PPM1K: variants seen among roughly 807,000 people sequenced by gnomAD.
The protein encoded by PPM1K is protein phosphatase, Mg2+/Mn2+ dependent 1K.
Under a neutral mutation model 32.6 loss-of-function variants are expected in PPM1K, and 19 were observed. That is an observed-to-expected ratio of 0.58 (90% CI 0.41 to 0.86). The LOEUF is 0.86. PPM1K is among the 40% of genes least tolerant of loss of function. PPM1K has a pLI of 0.00. For missense variants in PPM1K, 362 were observed against 461.2 expected (o/e 0.78, Z 1.97); for synonymous variants, 159 against 165.3 (o/e 0.96, Z 0.29).
chr4:88,272,283 T>C (rs1303021136), intron 3 of PPM1K, among the ~76,000 whole-genome samples: 1 of 152,184 alleles, frequency 6.6e-6, no homozygotes, highest in Non-Finnish European at 1.5e-5. Context: ...GATTCAAAAA[T>C]GCTGTGTTTA....
intron 3 of PPM1K, among the ~76,000 whole-genome samples, chr4:88,269,382 G>A (rs1731467898): frequency 6.6e-6 from 1 of 152,208 alleles, no homozygotes; most frequent in South Asian, 2.1e-4. Flanking sequence ...CTCCTATGCT[G>A]TGAACATATT....
At chr4:88,268,564 T>A (rs982645986) in intron 4 of PPM1K, among the ~76,000 whole-genome samples, 177 bp downstream of exon 4, 3 of 152,066 alleles carry the variant, frequency 2.0e-5, no homozygotes, top group Non-Finnish European at 4.4e-5. Context: ...GAGCTTGCAG[T>A]GAGCCAAGAT....
Position 88,278,152 on chromosome 4 carries a change from T to C in PPM1K, c.432A>G (p.Lys144=). 6.2e-7 allele frequency: 1 copy of C among 1,613,076 alleles called. No individual in the cohort carries two copies. The highest frequency in any genetic ancestry group is 8.5e-7 in the Non-Finnish European group (1 of 1,179,172). Residue 144 remains lysine (K), a synonymous_variant, in exon 2 of 7, where the codon AAA becomes AAG. Coordinates refer to ENST00000608933, the MANE Select transcript of PPM1K (RefSeq NM_152542.5). This position sits in a 1 kb window ranked among gnomAD's most constrained non-coding sequence, Gnocchi z 4.2. The stretch of plus-strand genomic sequence containing the variant: ...AAAGTCATTGTACATACATAATACA[T>C]TTCTCCATGTGGGTATGACAGAAAT... ...AADFCHTHME[K]CIMDLLPKEK...
At chr4:88,274,618 T>C (rs1731690046) in intron 3 of PPM1K, among the ~76,000 whole-genome samples, 1 of 152,212 alleles carries the variant, frequency 6.6e-6, no homozygotes, top group East Asian at 1.9e-4. Flanking sequence ...CCTATCTATA[T>C]ACATAGGCCG....
chr4:88,278,258 T>A lies in PPM1K; in HGVS notation c.326A>T (p.Asp109Val). The stretch of plus-strand genomic sequence containing the variant: ...TGTCAGCTGAGCGAAGTCAAACCGA[T>A]CTTCATTCTCTTTCCGTTTGCCAAT... ...SQIGKRKENE[D>V]RFDFAQLTDE... Residue 109 changes from aspartate (D) to valine (V), a missense_variant, in exon 2 of 7, where the codon GAT becomes GTT. Coordinates refer to ENST00000608933, the MANE Select transcript of PPM1K (RefSeq NM_152542.5). This position sits in a 1 kb window ranked among gnomAD's most constrained non-coding sequence, Gnocchi z 4.2. 6.2e-7 allele frequency: 1 copy of A among 1,614,180 alleles called. No homozygotes were observed. The highest frequency in any genetic ancestry group is 8.5e-7 in the Non-Finnish European group (1 of 1,180,016).
chr4:88,278,390 C>T lies in PPM1K; in HGVS notation c.194G>A (p.Gly65Glu). Residue 65 changes from glycine to glutamate, a missense_variant, in exon 2 of 7, where the codon GGG (glycine) becomes GAG (glutamate). Transcript: ENST00000608933. The surrounding 1 kb of genome is among the most constrained non-coding windows in gnomAD (Gnocchi z 4.2). ...SGSPATWDNFGIWDNRIDEPI... is the reference protein window; with the variant it reads ...SGSPATWDNFEIWDNRIDEPI... ...CTCATCAATGCGGTTATCCCAGATC[C>T]CAAAATTGTCCCAGGTAGCTGGACT... 1 of 1,614,210 alleles carries T rather than the reference C, an allele frequency of 6.2e-7. No individual in the cohort carries two copies.
In PPM1K at chr4:88,278,494, G is replaced by A. The variant is rs141775336; in HGVS notation, c.90C>T (p.Asp30=). Residue 30 remains aspartate, a synonymous_variant, in exon 2 of 7, where the codon GAC becomes GAT. Coordinates refer to ENST00000608933, the MANE Select transcript of PPM1K (RefSeq NM_152542.5). This position sits in a 1 kb window ranked among gnomAD's most constrained non-coding sequence, Gnocchi z 4.2. The part of the protein sequence containing the change: ...RVLLSSRLLQ[D]DRRVTPTCHS... ...GGCACGTGGGTGTCACCCGCCTGTC[G>A]TCCTGCAGCAGGCGGGAGCTTAGCA... The A allele has an allele frequency of 1.4e-5, 22 of 1,613,954 alleles. No homozygotes were observed. Among genetic ancestry groups the A allele is most frequent in the Admixed American group, 3.3e-5 (2 of 60,000 alleles).
Position 88,275,097 on chromosome 4 carries a change from T to A in PPM1K, c.541+2046A>T, listed in dbSNP as rs1451060860. On this transcript the variant is annotated intron_variant, in intron 3 of 6. Coordinates refer to ENST00000608933, the MANE Select transcript of PPM1K (RefSeq NM_152542.5). ...TATATGAAAAATACATTTTAAAATA[T>A]CTTAAGAATGTTCTGGGATCATTAC... is the stretch of plus-strand genomic sequence containing the variant. 3 of 688,022 alleles carry A rather than the reference T, an allele frequency of 4.4e-6. No homozygotes were observed. In the African/African-American group the frequency reaches 5.8e-5, roughly 13 times the overall value. The allele number at this position is 688,022 out of a possible 1,614,324, so 42.6% of individuals were successfully genotyped here.
At chr4:88,276,750 T>C in intron 3 of PPM1K, 1 of 999,300 alleles carries the variant, frequency 1.0e-6, no homozygotes, top group Non-Finnish European at 1.2e-6. Context: ...CCCTGTAGTG[T>C]ATTTCAGCAC....
chr4:88,260,120 C>G lies in PPM1K; in HGVS notation c.*2475G>C, dbSNP rs981261436. On this transcript the variant is annotated 3_prime_UTR_variant, in exon 7 of 7. Transcript: ENST00000608933. ...AGGCTGGAGTGCAATGGCGCGATCT[C>G]GACTCACTGCAACCTCCGCCTCCCA... 1 of 152,220 alleles carries G rather than the reference C, an allele frequency of 6.6e-6. No homozygotes were observed. The highest frequency in any genetic ancestry group is 2.4e-5 in the African/African-American group (1 of 41,408). 9.4% of individuals were successfully genotyped at this position (152,220 alleles called of 1,614,324 possible). A position where few individuals can be genotyped will look rare whatever the true frequency, so the allele number is the denominator to read the frequency against.
intron 3 of PPM1K, chr4:88,276,915 T>A (rs1292009367): frequency 1.7e-5 from 13 of 761,116 alleles, no homozygotes; most frequent in Non-Finnish European, 2.3e-5. Context: ...GGCTTCTCTT[T>A]CTGAAAAATT....
Position 88,278,649 on chromosome 4 carries a change from G to A in PPM1K, c.-59-7C>T. 7.6e-7 allele frequency: 1 copy of A among 1,309,854 alleles called. No individual in the cohort carries two copies. Among genetic ancestry groups the A allele is most frequent in the Non-Finnish European group, 1.1e-6 (1 of 947,670 alleles). The allele number at this position is 1,309,854 out of a possible 1,614,324, so 81.1% of individuals were successfully genotyped here. A position where few individuals can be genotyped will look rare whatever the true frequency, so the allele number is the denominator to read the frequency against. ...TGGAACAATAATGGAATGTCTTCAA[G>A]AAAAATGATGCAAGTCACAGGGGAC... On this transcript the variant is annotated splice_polypyrimidine_tract_variant and splice_region_variant and intron_variant, in intron 1 of 6. Coordinates refer to ENST00000608933, the MANE Select transcript of PPM1K (RefSeq NM_152542.5). This position sits in a 1 kb window ranked among gnomAD's most constrained non-coding sequence, Gnocchi z 4.2.
intron 2 of PPM1K, chr4:88,277,791 T>G: frequency 3.7e-6 from 1 of 271,910 alleles, no homozygotes; most frequent in Non-Finnish European, 7.0e-6. Flanking sequence ...TCACACCACT[T>G]GAAAGAGTAA....
intron 5 of PPM1K, 146 bp downstream of exon 5, chr4:88,268,044 C>T (rs1731404425): frequency 2.6e-6 from 2 of 777,818 alleles, no homozygotes; most frequent in Non-Finnish European, 4.1e-6. Flanking sequence ...TCTTATTTTA[C>T]CTGAAAAGTT....
At chr4:88,276,340 T>C in intron 3 of PPM1K, 1 of 985,416 alleles carries the variant, frequency 1.0e-6, no homozygotes, top group Non-Finnish European at 1.2e-6. Context: ...CATTTTCAAA[T>C]CATTTACAAG....
At chr4:88,268,962 T>G in intron 3 of PPM1K, 56 bp from the exon 4 acceptor site, 1 of 1,438,124 alleles carries the variant, frequency 7.0e-7, no homozygotes, top group Non-Finnish European at 9.5e-7. Context: ...TGATTGGATA[T>G]GGAATTTTTA....
chr4:88,263,345 T>C (rs1578310386), intron 6 of PPM1K, among the ~76,000 whole-genome samples: 1 of 152,234 alleles, frequency 6.6e-6, no homozygotes, highest in Non-Finnish European at 1.5e-5. Flanking sequence ...AAACAAACTG[T>C]AGAACATGCT....
intron 5 of PPM1K, 83 bp downstream of exon 5, chr4:88,268,107 A>C: frequency 6.9e-7 from 1 of 1,451,872 alleles, no homozygotes; most frequent in Non-Finnish European, 9.4e-7. Context: ...GGCTTCAGTT[A>C]AGGCTTCCAA....
chr4:88,265,374 TGC>T (rs1731264880), intron 5 of PPM1K, among the ~76,000 whole-genome samples: 1 of 152,280 alleles, frequency 6.6e-6, no homozygotes, highest in South Asian at 2.1e-4. Context: ...GTCTTTCCCA[TGC>T]CGTTTTCATA....
Sources: gnomAD v4.1 joint callset for allele counts (sites outside exome capture counted in the v4.1 genomes callset) on GRCh38, gnomAD v4.1.1 for gene constraint, Gnocchi (gnomAD v3.1) non-coding constraint, MANE v1.5 for transcripts, NCBI Gene and HGNC (gene_info 2026-07-23, HGNC 2026-07-21) for gene names.